The following CNR1 variants were observed in gnomAD, a reference collection of about 807,000 sequenced individuals.
CNR1 encodes the protein cannabinoid receptor 1 (brain).
Under a neutral mutation model 23.0 loss-of-function variants are expected in CNR1, and 10 were observed. The observed-to-expected ratio is 0.43, with a 90% CI of 0.27 to 0.74. The LOEUF (loss-of-function observed/expected upper bound fraction) is 0.74, where lower values mean the gene tolerates loss of function less well. Ranked by LOEUF, CNR1 falls within the 30% of genes least tolerant of loss-of-function variation. The probability of loss-of-function intolerance (pLI) is 0.19; values close to 1 mark genes in which losing one functional copy is unlikely to be tolerated. For synonymous variants in CNR1, 271 were observed against 255.2 expected (o/e 1.06, Z -0.59); for missense variants, 422 against 618.8 (o/e 0.68, Z 3.37).
At chr6:88,156,657 A>G (rs7752758) in intron 1 of CNR1, among the ~76,000 whole-genome samples, 20,906 of 152,192 alleles carry the variant, frequency 0.14, 1,668 homozygotes, top group African/African-American at 0.22. Flanking sequence ...TAAACCCTTC[A>G]GACCATGAAC....
rs569228842 is a variant in CNR1 at position 88,162,637 on chromosome 6, T to C, written c.-64+3166A>G. On this transcript the variant is annotated intron_variant, in intron 1 of 1. Transcript: ENST00000369501. ...GATAAGATTAGGAAAGAACTGGAGA[T>C]TCAGGGAAGAAAACATGAAGTTAAA... Among the ~76,000 whole-genome samples, 15 of 152,288 alleles carry C rather than the reference T, an allele frequency of 9.8e-5. No homozygotes were observed. The South Asian group carries it at 2.7e-3, about 27-fold the overall frequency.
upstream of CNR1, among the ~76,000 whole-genome samples, chr6:88,167,102 A>C (rs1225431095): frequency 3.3e-5 from 5 of 151,770 alleles, no homozygotes; most frequent in Non-Finnish European, 7.4e-5. Flanking sequence ...TCCCCGATGC[A>C]AACAGTTGGG....
intron 1 of CNR1, among the ~76,000 whole-genome samples, chr6:88,155,130 T>C (rs1184447193): frequency 6.6e-6 from 1 of 152,212 alleles, no homozygotes; most frequent in Non-Finnish European, 1.5e-5. Context: ...TGCTATATGA[T>C]ATCCAATTGC....
chr6:88,145,023 CTTG>C lies in CNR1; in HGVS notation c.249_251del (p.Asn83del), dbSNP rs1230771484. The C allele has an allele frequency of 5.6e-6, 9 of 1,614,110 alleles. No individual in the cohort carries two copies. The highest frequency in any genetic ancestry group is 4.0e-5 in the African/African-American group (3 of 75,050). The stretch of plus-strand genomic sequence containing the variant: ...CATTCTCCTTGAAGGACGAGAGAGA[CTTG>C]TTGTAAAATTCTGTAATGTTCACCT... On this transcript the variant is annotated inframe_deletion, in exon 2 of 2. Transcript: ENST00000369501.
rs949782598 is a variant in CNR1 at position 88,143,078 on chromosome 6, T to C, written c.*778A>G. The C allele has an allele frequency of 2.6e-5, 4 of 152,570 alleles. No homozygotes were observed. The highest frequency in any genetic ancestry group is 6.8e-3 in the Middle Eastern group (2 of 294). The allele number at this position is 152,570 out of a possible 1,614,324, so 9.5% of individuals were successfully genotyped here. ...TGATTATAATCCATTAGAACAGCTA[T>C]AGTCCAGAAGATAATGTGTCTTCCT... is the stretch of plus-strand genomic sequence containing the variant. On this transcript the variant is annotated 3_prime_UTR_variant, in exon 2 of 2. Transcript: ENST00000369501.
chr6:88,163,330 T>TGGGAA (rs1778202147), intron 1 of CNR1, among the ~76,000 whole-genome samples: 1 of 152,240 alleles, frequency 6.6e-6, no homozygotes, highest in Non-Finnish European at 1.5e-5. Context: ...CATTCCTGGA[T>TGGGAA]AGCTAGTTAT....
At chr6:88,160,056 G>C (rs557926482) in intron 1 of CNR1, among the ~76,000 whole-genome samples, 1 of 151,892 alleles carries the variant, frequency 6.6e-6, no homozygotes, top group East Asian at 1.9e-4. Flanking sequence ...GGCCAGGCAC[G>C]GTAGCACACG....
intron 1 of CNR1, among the ~76,000 whole-genome samples, chr6:88,156,163 C>T (rs567293805): frequency 6.6e-6 from 1 of 152,292 alleles, no homozygotes; most frequent in South Asian, 2.1e-4. Context: ...GTTGTTCCAA[C>T]AAATGAGTGA....
At chr6:88,150,953 T>G (rs1777488698) in intron 1 of CNR1, among the ~76,000 whole-genome samples, 1 of 152,232 alleles carries the variant, frequency 6.6e-6, no homozygotes, top group Non-Finnish European at 1.5e-5. Flanking sequence ...AGTTCCTAAC[T>G]TGGACTTACT....
At chr6:88,149,456 TC>T (rs1562508232) in intron 1 of CNR1, among the ~76,000 whole-genome samples, 1 of 152,114 alleles carries the variant, frequency 6.6e-6, no homozygotes, top group Non-Finnish European at 1.5e-5. Flanking sequence ...GCTTAACAAC[TC>T]CATTTACATA....
At chr6:88,160,588 C>T (rs1218999812) in intron 1 of CNR1, among the ~76,000 whole-genome samples, 1 of 151,950 alleles carries the variant, frequency 6.6e-6, no homozygotes, top group Non-Finnish European at 1.5e-5. Flanking sequence ...GCACATGCCA[C>T]CATGCCCGGC....
chr6:88,153,533 C>A (rs935264164), intron 1 of CNR1, among the ~76,000 whole-genome samples: 1 of 152,184 alleles, frequency 6.6e-6, no homozygotes, highest in Non-Finnish European at 1.5e-5. Flanking sequence ...ATGTCAAATG[C>A]AGAAGTTCCA....
chr6:88,158,284 C>T (rs749680789), intron 1 of CNR1, among the ~76,000 whole-genome samples: 2 of 152,260 alleles, frequency 1.3e-5, no homozygotes, highest in South Asian at 2.1e-4. Context: ...CATTCCGGAT[C>T]GAGCCCTTCT....
chr6:88,165,278 G>A (rs184782944), intron 1 of CNR1, among the ~76,000 whole-genome samples: 2 of 152,340 alleles, frequency 1.3e-5, no homozygotes, highest in Admixed American at 1.3e-4. Context: ...CTAGTTCTGA[G>A]TTAAACGGTT....
intron 1 of CNR1, among the ~76,000 whole-genome samples, chr6:88,158,226 G>A (rs1359694884): frequency 1.3e-5 from 2 of 152,200 alleles, no homozygotes; most frequent in Non-Finnish European, 2.9e-5. Context: ...TTGGATGCAA[G>A]TGCAGAATTT....
rs1582322107 is a variant in CNR1 at position 88,143,959 on chromosome 6, G to A, written c.1316C>T (p.Ala439Val). ...TTCTGCGGCCCTGTGAACACTGGCTGCATTGTTTGCGTGTTTGTGCAGGCA... is the reference window on the plus strand; with the variant it reads ...TTCTGCGGCCCTGTGAACACTGGCTACATTGTTTGCGTGTTTGTGCAGGCA... ...SDCLHKHANN[A>V]ASVHRAAESC... The change falls in exon 2 of 2, where the codon GCA (alanine) becomes GTA (valine). Residue 439 changes from alanine (A) to valine (V), a missense_variant. By Grantham distance (64) the Ala-to-Val change is moderately conservative. Coordinates refer to ENST00000369501, the MANE Select transcript of CNR1 (RefSeq NM_016083.6). 1 of 1,614,128 alleles carries A rather than the reference G, an allele frequency of 6.2e-7. No homozygotes were observed. The highest frequency in any genetic ancestry group is 8.5e-7 in the Non-Finnish European group (1 of 1,180,030).
intron 1 of CNR1, among the ~76,000 whole-genome samples, chr6:88,160,066 G>A (rs1212026907): frequency 6.6e-6 from 1 of 151,810 alleles, no homozygotes; most frequent in African/African-American, 2.4e-5. Flanking sequence ...GGTAGCACAC[G>A]CCTGTAATCC....
At chr6:88,148,734 C>CA (rs1265775601) in intron 1 of CNR1, among the ~76,000 whole-genome samples, 8 of 152,170 alleles carry the variant, frequency 5.3e-5, no homozygotes, top group Non-Finnish European at 1.0e-4. Flanking sequence ...GCAACTTTGG[C>CA]TACAGAGAGG....
intron 1 of CNR1, among the ~76,000 whole-genome samples, chr6:88,158,216 T>C (rs1169940179): frequency 1.3e-5 from 2 of 152,188 alleles, no homozygotes; most frequent in Non-Finnish European, 2.9e-5. Flanking sequence ...TGTATGCAAA[T>C]TGGATGCAAG....
Sources: gnomAD v4.1 joint callset for allele counts (sites outside exome capture counted in the v4.1 genomes callset) on GRCh38, gnomAD v4.1.1 for gene constraint, MANE v1.5 for transcripts, NCBI Gene and HGNC (gene_info 2026-07-23, HGNC 2026-07-21) for gene names.